MEF2A: variants seen among roughly 807,000 people sequenced by gnomAD.
The protein encoded by MEF2A is myocyte-specific enhancer factor 2A.
MEF2A carries 28 observed loss-of-function variants against 55.8 expected under a neutral mutation model. That is an observed-to-expected ratio of 0.50 (90% CI 0.37 to 0.69). The LOEUF (loss-of-function observed/expected upper bound fraction) is 0.69. MEF2A is among the 30% of genes least tolerant of loss of function. The pLI is 0.00. For synonymous variants in MEF2A, 239 were observed against 227.1 expected (o/e 1.05, Z -0.47); for missense variants, 528 against 626.2 (o/e 0.84, Z 1.67).
chr15:99,582,039 G>T (rs1438125604), intron 1 of MEF2A, among the ~76,000 whole-genome samples: 1 of 151,952 alleles, frequency 6.6e-6, no homozygotes, highest in Non-Finnish European at 1.5e-5. Context: ...AATGCCGCTG[G>T]AATGTTCAAC....
rs147614724 is a variant in MEF2A, at chr15:99,643,179, G to A, written c.55-2382G>A. Among the ~76,000 whole-genome samples, 458 of 152,204 alleles carry A rather than the reference G, an allele frequency of 3.0e-3. 4 individuals carry two copies. The highest frequency in any genetic ancestry group is 0.01 in the African/African-American group (428 of 41,530). On this transcript the variant is annotated intron_variant, in intron 3 of 11. Transcript: ENST00000557942. ...TTTTAGATTACGTTACCTCTTTCAT[G>A]TCAAATTTATGAACTGAAACGTGGC...
At chr15:99,602,350 T>C (rs1008975742) in intron 2 of MEF2A, among the ~76,000 whole-genome samples, 1 of 152,138 alleles carries the variant, frequency 6.6e-6, no homozygotes, top group Non-Finnish European at 1.5e-5. Flanking sequence ...GAGGGGAGCC[T>C]GTGCAGTGTG....
intron 1 of MEF2A, among the ~76,000 whole-genome samples, chr15:99,568,041 T>G (rs1289358774): frequency 6.6e-6 from 1 of 152,208 alleles, no homozygotes; most frequent in Admixed American, 6.5e-5. Context: ...GAAGTAATGG[T>G]GACCTCTCTA....
rs1326262899 is a variant in MEF2A at position 99,690,211 on chromosome 15, C to G, written c.671-30C>G. Reference sequence around the variant, plus strand: ...GCCAAAGTATTTTAATAACTCTTCTCACTTTATTGAATGATATTTTTCCCC... The same window carrying G: ...GCCAAAGTATTTTAATAACTCTTCTGACTTTATTGAATGATATTTTTCCCC... On this transcript the variant is annotated intron_variant, in intron 7 of 11. Transcript: ENST00000557942. 5 of 1,598,530 alleles carry G rather than the reference C, an allele frequency of 3.1e-6. No homozygotes were observed. The African/African-American group carries it at 6.7e-5, about 21-fold the overall frequency.
chr15:99,709,815 C>T (rs530418452), intron 10 of MEF2A, among the ~76,000 whole-genome samples: 2 of 152,280 alleles, frequency 1.3e-5, no homozygotes, highest in South Asian at 2.1e-4. Context: ...TACTCTAGGA[C>T]ACCGAGTTTT....
At chr15:99,661,733 T>G (rs2048675813) in intron 4 of MEF2A, among the ~76,000 whole-genome samples, 1 of 152,010 alleles carries the variant, frequency 6.6e-6, no homozygotes, top group African/African-American at 2.4e-5. Context: ...CATTATCTAG[T>G]ATAACTGAAG....
At chr15:99,596,323 T>G (rs1185683666) in intron 1 of MEF2A, among the ~76,000 whole-genome samples, 1 of 152,030 alleles carries the variant, frequency 6.6e-6, no homozygotes, top group East Asian at 1.9e-4. Flanking sequence ...TTTGAGGAAT[T>G]TTTTTCTGCA....
intron 7 of MEF2A, among the ~76,000 whole-genome samples, chr15:99,687,117 C>T (rs1265734678): frequency 1.3e-4 from 12 of 89,128 alleles, no homozygotes; most frequent in East Asian, 3.2e-4. Context: ...TTTGTAGAGA[C>T]GGGGTTTCAC....
At chr15:99,675,735 G>T (rs570323284) in intron 7 of MEF2A, among the ~76,000 whole-genome samples, 1 of 152,256 alleles carries the variant, frequency 6.6e-6, no homozygotes, top group East Asian at 1.9e-4. Flanking sequence ...CAGATAGAAA[G>T]ATAATTAACA....
chr15:99,624,177 A>G (rs141696884), intron 2 of MEF2A, among the ~76,000 whole-genome samples: 124 of 152,298 alleles, frequency 8.1e-4, no homozygotes, highest in African/African-American at 2.8e-3. Flanking sequence ...GATGCACAGA[A>G]GTTTTTAATT....
chr15:99,590,507 AGATTT>A (rs915273173), intron 1 of MEF2A, among the ~76,000 whole-genome samples: 2 of 150,580 alleles, frequency 1.3e-5, no homozygotes, highest in African/African-American at 4.9e-5. Flanking sequence ...TGATATAGTT[AGATTT>A]AAGTGTACCA....
At position 99,566,081 on chromosome 15, in the gene MEF2A, C is replaced by G. The variant is rs1306073737; in HGVS notation, c.-248C>G. On this transcript the variant is annotated 5_prime_UTR_variant, in exon 1 of 12. Coordinates refer to ENST00000557942, the MANE Select transcript of MEF2A (RefSeq NM_001319206.4). ...GGGCCCGGGCTGCGGCGTGTGCGCG[C>G]CCGCCAGCTGCTCCGGAGATACGGT... 2.6e-5 allele frequency: 4 copies of G among 152,176 alleles called. No homozygotes were observed. Among genetic ancestry groups the G allele is most frequent in the Non-Finnish European group, 5.9e-5 (4 of 68,188 alleles). 9.4% of individuals were successfully genotyped at this position (152,176 alleles called of 1,614,324 possible). A position where few individuals can be genotyped will look rare whatever the true frequency, so the allele number is the denominator to read the frequency against.
rs1425962681 is a variant in MEF2A at position 99,713,318 on chromosome 15, T to A, written c.*547T>A. The A allele has an allele frequency of 3.4e-6, 1 of 292,244 alleles. No individual in the cohort carries two copies. Among genetic ancestry groups the A allele is most frequent in the Non-Finnish European group, 6.2e-6 (1 of 160,190 alleles). The allele number at this position is 292,244 out of a possible 1,614,324, so 18.1% of individuals were successfully genotyped here. On this transcript the variant is annotated 3_prime_UTR_variant, in exon 12 of 12. Transcript: ENST00000557942. Reference sequence around the variant, plus strand: ...AAAGGGGTGCATGGGAAAGGGCTGTTGATATTAAAAACAAACAAAACAAAA... The same window carrying A: ...AAAGGGGTGCATGGGAAAGGGCTGTAGATATTAAAAACAAACAAAACAAAA...
At chr15:99,634,466 G>A (rs1203072525) in intron 3 of MEF2A, among the ~76,000 whole-genome samples, 1 of 151,926 alleles carries the variant, frequency 6.6e-6, no homozygotes, top group African/African-American at 2.4e-5. Context: ...GAAGTGTAGA[G>A]GAGGCATAGG....
At chr15:99,601,628 A>G (rs865863223) in intron 2 of MEF2A, among the ~76,000 whole-genome samples, 3 of 150,890 alleles carry the variant, frequency 2.0e-5, no homozygotes, top group Admixed American at 6.6e-5. Context: ...GCATATGGTC[A>G]GTTACATTGA....
At chr15:99,616,559 A>G (rs1443548910) in intron 2 of MEF2A, among the ~76,000 whole-genome samples, 2 of 152,238 alleles carry the variant, frequency 1.3e-5, no homozygotes, top group Non-Finnish European at 1.5e-5. Context: ...CTAAAAATTA[A>G]TAAGAGGCAA....
chr15:99,691,304 C>T (rs570757511), intron 8 of MEF2A, among the ~76,000 whole-genome samples: 1 of 152,212 alleles, frequency 6.6e-6, no homozygotes, highest in South Asian at 2.1e-4. Context: ...AGGCTAGAAG[C>T]ATTAACCATG....
chr15:99,685,916 T>G (rs1347489836), intron 7 of MEF2A, among the ~76,000 whole-genome samples: 2 of 152,230 alleles, frequency 1.3e-5, no homozygotes, highest in Non-Finnish European at 2.9e-5. Flanking sequence ...TTGATAGAAT[T>G]CGGCTCTGAA....
intron 1 of MEF2A, among the ~76,000 whole-genome samples, chr15:99,588,719 A>T (rs2570804): frequency 6.6e-6 from 1 of 151,554 alleles, no homozygotes; most frequent in African/African-American, 2.4e-5. Flanking sequence ...CTGGAGTTAT[A>T]GCCGTGAGCC....
Sources: gnomAD v4.1 joint callset for allele counts (sites outside exome capture counted in the v4.1 genomes callset) on GRCh38, gnomAD v4.1.1 for gene constraint, MANE v1.5 for transcripts, NCBI Gene and HGNC (gene_info 2026-07-23, HGNC 2026-07-21) for gene names.